The following SPAG16 variants were observed in gnomAD, a reference collection of about 807,000 sequenced individuals.
The protein encoded by SPAG16 is sperm associated antigen 16, also known as sperm-associated antigen 16 protein.
In SPAG16, 86 loss-of-function variants were observed where a neutral mutation model predicts 80.4. The observed-to-expected ratio is 1.07, with a 90% confidence interval of 0.90 to 1.28. The LOEUF (loss-of-function observed/expected upper bound fraction) is 1.28, where lower values mean the gene tolerates loss of function less well. Ranked by LOEUF, SPAG16 falls within the 50% of genes most tolerant of loss-of-function variation. The probability of loss-of-function intolerance (pLI) is 0.00; values close to 1 mark genes in which losing one functional copy is unlikely to be tolerated. For synonymous variants in SPAG16, 294 were observed against 265.9 expected, an observed-to-expected ratio of 1.11 and a Z score of -1.03; for missense variants, 870 against 765.3, an observed-to-expected ratio of 1.14 and a Z score of -1.61.
intron 10 of SPAG16, among the ~76,000 whole-genome samples, chr2:213,591,369 T>A (rs2060683172): frequency 6.6e-6 from 1 of 152,158 alleles, no homozygotes; most frequent in Non-Finnish European, 1.5e-5. Flanking sequence ...CTAACATCAA[T>A]TAGTAGTAAG....
At chr2:213,592,578 C>G (rs1364388903) in intron 10 of SPAG16, among the ~76,000 whole-genome samples, 3 of 152,170 alleles carry the variant, frequency 2.0e-5, no homozygotes, top group African/African-American at 7.2e-5. Context: ...TCTTAACAAT[C>G]TAGTAATAGA....
intron 10 of SPAG16, among the ~76,000 whole-genome samples, chr2:213,754,785 TGCTCAGCTG>T (rs2068245043): frequency 6.6e-6 from 1 of 152,186 alleles, no homozygotes; most frequent in Non-Finnish European, 1.5e-5. Flanking sequence ...ATCTGGTGTG[TGCTCAGCTG>T]CATTTAACTG....
At chr2:213,569,949 C>G (rs2059864005) in intron 10 of SPAG16, among the ~76,000 whole-genome samples, 2 of 102,030 alleles carry the variant, frequency 2.0e-5, no homozygotes, top group African/African-American at 9.7e-5. Flanking sequence ...CAACTTCTTC[C>G]TGGTTTAGTC....
At chr2:214,126,698 C>G (rs1453716219) in intron 14 of SPAG16, among the ~76,000 whole-genome samples, 1 of 151,638 alleles carries the variant, frequency 6.6e-6, no homozygotes, top group African/African-American at 2.4e-5. Context: ...TGAGGAACAC[C>G]TTAGGTTACT....
rs114159122 is a variant in SPAG16 at position 213,767,574 on chromosome 2, C to G, written c.1071-94911C>G. ...GCCTGGGAGGTGGAGGCTGCAGGGA[C>G]CTCTGATTACATTACTATGCTGCAG... On this transcript the variant is annotated intron_variant, in intron 10 of 15. Coordinates refer to ENST00000331683, the MANE Select transcript of SPAG16 (RefSeq NM_024532.5). Among the ~76,000 whole-genome samples the G allele has an allele frequency of 2.4e-3, 368 of 151,568 alleles. 2 individuals are homozygous for G. Among genetic ancestry groups the G allele is most frequent in the African/African-American group, 7.1e-3 (295 of 41,292 alleles).
intron 14 of SPAG16, among the ~76,000 whole-genome samples, chr2:214,109,616 G>T (rs2053565671): frequency 6.6e-6 from 1 of 152,180 alleles, no homozygotes; most frequent in African/African-American, 2.4e-5. Flanking sequence ...AATGTTGATT[G>T]CTCCAATTGA....
chr2:213,345,966 T>C (rs956295657), intron 6 of SPAG16, among the ~76,000 whole-genome samples: 20 of 152,228 alleles, frequency 1.3e-4, no homozygotes, highest in Admixed American at 8.5e-4. Flanking sequence ...ATAAATTACC[T>C]TGGGCAGTAT....
intron 10 of SPAG16, among the ~76,000 whole-genome samples, chr2:213,737,436 G>A (rs1034404714): frequency 4.0e-5 from 6 of 151,162 alleles, no homozygotes; most frequent in Admixed American, 6.6e-5. Flanking sequence ...TATATAATTG[G>A]TAACATTTAA....
intron 10 of SPAG16, among the ~76,000 whole-genome samples, chr2:213,830,454 C>A (rs1263112744): frequency 6.6e-6 from 1 of 152,114 alleles, no homozygotes; most frequent in East Asian, 1.9e-4. Context: ...AAAACAGGTA[C>A]TGTAATTTCC....
chr2:213,888,065 A>G (rs1277230869), intron 11 of SPAG16, among the ~76,000 whole-genome samples: 1 of 151,906 alleles, frequency 6.6e-6, no homozygotes, highest in East Asian at 1.9e-4. Flanking sequence ...CAGAAACACA[A>G]TTCTGGAAAG....
intron 9 of SPAG16, among the ~76,000 whole-genome samples, chr2:213,408,674 G>A (rs1247982087): frequency 6.6e-6 from 1 of 152,138 alleles, no homozygotes; most frequent in Non-Finnish European, 1.5e-5. Context: ...GGGTGAATGA[G>A]GGAAAAAGAC....
chr2:214,132,051 G>A (rs1043921412), intron 14 of SPAG16, among the ~76,000 whole-genome samples: 2 of 152,154 alleles, frequency 1.3e-5, no homozygotes, highest in African/African-American at 2.4e-5. Context: ...CAGGACATAT[G>A]AGAAATCTTC....
At position 213,769,631 on chromosome 2, in the gene SPAG16, C is replaced by T. The variant is rs113355200; in HGVS notation, c.1071-92854C>T. On this transcript the variant is annotated intron_variant, in intron 10 of 15. Transcript: ENST00000331683. ...TTCTCTTGATTCCTGCTGATTTCCCCAGCCTGGCTTTGCAGGATCCCTGGA... is the reference window on the plus strand; with the variant it reads ...TTCTCTTGATTCCTGCTGATTTCCCTAGCCTGGCTTTGCAGGATCCCTGGA... 2.6e-5 allele frequency among the ~76,000 whole-genome samples: 4 copies of T among 152,250 alleles called. 1 individual carries two copies. Among genetic ancestry groups the T allele is most frequent in the African/African-American group, 9.6e-5 (4 of 41,548 alleles).
intron 9 of SPAG16, among the ~76,000 whole-genome samples, chr2:213,446,480 G>A (rs2071317559): frequency 6.6e-6 from 1 of 152,206 alleles, no homozygotes; most frequent in African/African-American, 2.4e-5. Flanking sequence ...ACAAAGCTGA[G>A]AAAGAATCTC....
At chr2:213,492,552 A>G (rs1469131978) in intron 10 of SPAG16, among the ~76,000 whole-genome samples, 1 of 152,042 alleles carries the variant, frequency 6.6e-6, no homozygotes, top group Non-Finnish European at 1.5e-5. Context: ...TCTGTCTCAA[A>G]AAACAAAAAA....
intron 10 of SPAG16, among the ~76,000 whole-genome samples, chr2:213,580,790 C>A (rs544633650): frequency 6.6e-6 from 1 of 152,074 alleles, no homozygotes. Context: ...ATATTCCTTA[C>A]AATTTTTTAT....
intron 15 of SPAG16, among the ~76,000 whole-genome samples, chr2:214,290,932 T>TA (rs1359472856): frequency 6.6e-6 from 1 of 152,204 alleles, no homozygotes; most frequent in African/African-American, 2.4e-5. Context: ...CTGTTTCTAT[T>TA]AAAAGTGCAA....
intron 10 of SPAG16, among the ~76,000 whole-genome samples, chr2:213,738,122 G>A (rs560809416): frequency 6.6e-6 from 1 of 152,180 alleles, no homozygotes; most frequent in South Asian, 2.1e-4. Context: ...ATATTGAACA[G>A]CTTGTTATTT....
At chr2:213,549,917 T>C (rs2076732985) in intron 10 of SPAG16, among the ~76,000 whole-genome samples, 2 of 152,166 alleles carry the variant, frequency 1.3e-5, no homozygotes, top group African/African-American at 2.4e-5. Context: ...TATCTCTTCA[T>C]ATAATTTGTT....
Sources: allele counts gnomAD v4.1 joint callset (sites outside exome capture counted in the v4.1 genomes callset), GRCh38; gene constraint gnomAD v4.1.1; transcripts MANE v1.5; gene names NCBI Gene and HGNC (gene_info 2026-07-23, HGNC 2026-07-21).